NUP155: variants seen among roughly 807,000 people sequenced by gnomAD.
The protein encoded by NUP155 is nucleoporin 155, also known as nuclear pore complex protein Nup155.
A neutral mutation model predicts 180.4 loss-of-function variants in NUP155; 71 were observed. That is an observed-to-expected ratio of 0.39 (90% confidence interval 0.33 to 0.48). The LOEUF (loss-of-function observed/expected upper bound fraction) is 0.48, where lower values mean the gene tolerates loss of function less well. Among genes scored for constraint, NUP155 ranks in the 20% least tolerant of loss-of-function variants. The pLI is 0.91. For missense variants in NUP155, 1,553 were observed against 1,648.9 expected, an observed-to-expected ratio of 0.94 and a Z score of 1.01; for synonymous variants, 582 against 559.5, an observed-to-expected ratio of 1.04 and a Z score of -0.57.
At position 37,333,501 on chromosome 5, in the gene NUP155, T is replaced by G. The variant is rs771980223; in HGVS notation, c.1480A>C (p.Met494Leu). Residue 494 changes from methionine (M) to leucine (L), a missense_variant, in exon 13 of 35, where the codon ATG (methionine) becomes CTG (leucine). Physicochemically the swap from Met to Leu is conservative, Grantham distance 15 (BLOSUM62 2). Transcript: ENST00000231498. The stretch of plus-strand genomic sequence containing the variant: ...AGAACAAATTTCTTCGGAGGTAACA[T>G]GTGCTGCTGTACAACAACTGGTGAA... ...TDSPVVVQQH[M>L]LPPKKFVLLS... The G allele has an allele frequency of 6.2e-7, 1 of 1,614,162 alleles. No individual in the cohort carries two copies. The highest frequency in any genetic ancestry group is 1.7e-5 in the Admixed American group (1 of 60,026).
intron 4 of NUP155, among the ~76,000 whole-genome samples, chr5:37,357,399 CAAAAAAAAAAAAAA>C (rs397997409): frequency 3.2e-5 from 1 of 31,298 alleles, no homozygotes; most frequent in East Asian, 1.1e-3. Context: ...ACCTTAATCT[CAAAAAAAAAAAAAA>C]AAAAAAAAAA....
intron 12 of NUP155, among the ~76,000 whole-genome samples, chr5:37,334,192 C>A (rs1489398235): frequency 6.6e-6 from 1 of 151,792 alleles, no homozygotes; most frequent in African/African-American, 2.4e-5. Context: ...ACCTCGACCT[C>A]CCTGGGTTCA....
At chr5:37,304,999 A>C in intron 26 of NUP155, 58 bp downstream of exon 26, 1 of 1,576,520 alleles carries the variant, frequency 6.3e-7, no homozygotes, top group Non-Finnish European at 8.7e-7. Flanking sequence ...TGCTACCATT[A>C]CCATGGAGAA....
intron 32 of NUP155, among the ~76,000 whole-genome samples, chr5:37,296,235 G>A (rs923576167): frequency 7.2e-5 from 11 of 152,192 alleles, no homozygotes; most frequent in Non-Finnish European, 1.0e-4. Flanking sequence ...GGAATAGAAA[G>A]GGGGGAAAGG....
intron 4 of NUP155, 68 bp from the exon 5 acceptor site, chr5:37,352,897 T>C (rs1237211369): frequency 9.2e-7 from 1 of 1,089,682 alleles, no homozygotes; most frequent in Non-Finnish European, 1.4e-6. Flanking sequence ...AAGCTTTTAT[T>C]ACCATTAAAG....
Position 37,305,144 on chromosome 5 carries a change from A to C in NUP155, c.2970T>G (p.Pro990=). 1 of 1,613,920 alleles carries C rather than the reference A, an allele frequency of 6.2e-7. No individual in the cohort carries two copies. The highest frequency in any genetic ancestry group is 2.2e-5 in the East Asian group (1 of 44,886). ...QELVNQSKAA[P]QSPSVPKKPG... ...GTTTTTTGGGTACACTGGGAGACTG[A>C]GGAGCGGCCTTACTTTGATTTACCA... Residue 990 remains proline (P), a synonymous_variant, in exon 26 of 35, where the codon CCT becomes CCG. Coordinates refer to ENST00000231498, the MANE Select transcript of NUP155 (RefSeq NM_153485.3).
At chr5:37,312,935 G>A (rs1002064504) in intron 22 of NUP155, among the ~76,000 whole-genome samples, 11 of 152,062 alleles carry the variant, frequency 7.2e-5, no homozygotes, top group African/African-American at 2.4e-4. Flanking sequence ...AATGTATATG[G>A]GAGTTACAGT....
At chr5:37,294,797 C>A (rs1300483396) in intron 32 of NUP155, among the ~76,000 whole-genome samples, 2 of 151,996 alleles carry the variant, frequency 1.3e-5, no homozygotes, top group East Asian at 3.9e-4. Context: ...TATACCAGAA[C>A]AGGCAAATCT....
At position 37,365,711 on chromosome 5, in the gene NUP155, G is replaced by GGAAAAAAA. The variant is rs1491216296; in HGVS notation, c.158-1328_158-1327insTTTTTTTC. The stretch of plus-strand genomic sequence containing the variant: ...TGACAGAGCAAGACTCTGTCTCGGG[G>GGAAAAAAA]AGAAAAAAAAAAAAAAAAAAAAAAA... On this transcript the variant is annotated intron_variant, in intron 1 of 34. Coordinates refer to ENST00000231498, the MANE Select transcript of NUP155 (RefSeq NM_153485.3). 1.5e-3 allele frequency among the ~76,000 whole-genome samples: 52 copies of GGAAAAAAA among 34,014 alleles called. 20 individuals are homozygous for GGAAAAAAA. The highest frequency in any genetic ancestry group is 3.6e-3 in the East Asian group (4 of 1,098). 22.3% of individuals were successfully genotyped at this position (34,014 alleles called of 152,430 possible).
intron 5 of NUP155, among the ~76,000 whole-genome samples, chr5:37,352,505 T>C (rs1403797977): frequency 6.6e-6 from 1 of 152,104 alleles, no homozygotes; most frequent in Non-Finnish European, 1.5e-5. Flanking sequence ...GCCATTGCAC[T>C]GCAGCCTGGG....
chr5:37,310,154 C>T (rs1387755956), intron 23 of NUP155, among the ~76,000 whole-genome samples: 2 of 152,006 alleles, frequency 1.3e-5, no homozygotes, highest in Non-Finnish European at 2.9e-5. Context: ...GCCTGTGCAA[C>T]AAATCAGAAC....
At position 37,345,567 on chromosome 5, in the gene NUP155, A is replaced by G. The variant is rs111678047; in HGVS notation, c.996-2921T>C. Among the ~76,000 whole-genome samples, 1,268 of 151,594 alleles carry G rather than the reference A, an allele frequency of 8.4e-3. 20 individuals carry two copies. The highest frequency in any genetic ancestry group is 0.029 in the African/African-American group (1,195 of 41,272). Reference sequence around the variant, plus strand: ...TACAATGTACTTTCAAATGGCTCATAAGACAGGCAACAAAGAGGCAAAATG... The same window carrying G: ...TACAATGTACTTTCAAATGGCTCATGAGACAGGCAACAAAGAGGCAAAATG... On this transcript the variant is annotated intron_variant, in intron 9 of 34. Coordinates refer to ENST00000231498, the MANE Select transcript of NUP155 (RefSeq NM_153485.3).
At chr5:37,322,392 G>A (rs895521652) in intron 20 of NUP155, among the ~76,000 whole-genome samples, 2 of 152,036 alleles carry the variant, frequency 1.3e-5, no homozygotes, top group South Asian at 2.1e-4. Context: ...CAAAAAGTCC[G>A]TATTATATTA....
At chr5:37,337,120 C>T (rs1745381469) in intron 12 of NUP155, among the ~76,000 whole-genome samples, 1 of 152,112 alleles carries the variant, frequency 6.6e-6, no homozygotes, top group Non-Finnish European at 1.5e-5. Flanking sequence ...TCCTTATACA[C>T]TGGGGACTAG....
intron 24 of NUP155, among the ~76,000 whole-genome samples, chr5:37,308,712 A>T (rs1160101076): frequency 6.6e-6 from 1 of 150,678 alleles, no homozygotes; most frequent in African/African-American, 2.4e-5. Context: ...AAAAAATAAA[A>T]AAATAAAAAA....
At chr5:37,303,688 G>A (rs1742986260) in intron 27 of NUP155, among the ~76,000 whole-genome samples, 1 of 152,208 alleles carries the variant, frequency 6.6e-6, no homozygotes. Flanking sequence ...ACTCATGTCT[G>A]TAATCCTCGC....
rs753853325 is a variant in NUP155, at chr5:37,307,407, T to G, written c.2793A>C (p.Glu931Asp). The G allele has an allele frequency of 6.2e-7, 1 of 1,613,908 alleles. No homozygotes were observed. The highest frequency in any genetic ancestry group is 2.2e-5 in the East Asian group (1 of 44,866). Residue 931 changes from glutamate to aspartate, a missense_variant, in exon 25 of 35, where the codon GAA becomes GAC. By Grantham distance (45) the Glu-to-Asp change is conservative. Transcript: ENST00000231498. Reference protein sequence around the residue: ...RQVRFYEGVVELSLTAAEKKD... With the variant: ...RQVRFYEGVVDLSLTAAEKKD... The stretch of plus-strand genomic sequence containing the variant: ...TTTTCTCTGCAGCCGTAAGAGAAAG[T>G]TCCACCACACCCTCATAAAATCTCA...
At position 37,293,402 on chromosome 5, in the gene NUP155, A is replaced by G. The variant is rs1002355333; in HGVS notation, c.3931-417T>C. 3.9e-5 allele frequency among the ~76,000 whole-genome samples: 6 copies of G among 152,348 alleles called. No individual in the cohort carries two copies. In the East Asian group the frequency reaches 1.2e-3, roughly 29 times the overall value. ...TCTAGGTCTGGCTTCACCAGTTACT[A>G]GCCATGTGACTTAAGCAGGTTATTT... is the stretch of plus-strand genomic sequence containing the variant. On this transcript the variant is annotated intron_variant, in intron 33 of 34. Coordinates refer to ENST00000231498, the MANE Select transcript of NUP155 (RefSeq NM_153485.3).
Position 37,299,584 on chromosome 5 carries a change from C to T in NUP155, c.3562-16G>A, listed in dbSNP as rs374679047. ...CCCCATAAAGCTGTGAGAGAAAATC[C>T]CAAAATTAACATCCAACTAGAGATC... On this transcript the variant is annotated splice_polypyrimidine_tract_variant and intron_variant, in intron 30 of 34. Transcript: ENST00000231498. 2.4e-5 allele frequency: 38 copies of T among 1,612,958 alleles called. No individual in the cohort carries two copies. The highest frequency in any genetic ancestry group is 3.1e-5 in the Non-Finnish European group (37 of 1,179,404).
Sources: gnomAD v4.1 joint callset for allele counts (sites outside exome capture counted in the v4.1 genomes callset) on GRCh38, gnomAD v4.1.1 for gene constraint, MANE v1.5 for transcripts, NCBI Gene and HGNC (gene_info 2026-07-23, HGNC 2026-07-21) for gene names.